R3HDM1: variants seen among roughly 807,000 people sequenced by gnomAD.
The protein encoded by R3HDM1 is R3H domain containing 1, also known as R3H domain-containing protein 1.
R3HDM1 carries 46 observed loss-of-function variants against 141.1 expected under a neutral mutation model. The observed-to-expected ratio is 0.33, with a 90% CI of 0.26 to 0.42. The LOEUF is 0.42. R3HDM1 is among the 10% of genes least tolerant of loss of function. R3HDM1 has a pLI of 1.00. For synonymous variants in R3HDM1, 435 were observed against 472.9 expected (o/e 0.92, Z 1.04); for missense variants, 1,184 against 1,368.3 (o/e 0.87, Z 2.12).
At chr2:135,617,045 C>A (rs1306477582) in intron 5 of R3HDM1, among the ~76,000 whole-genome samples, 1 of 152,020 alleles carries the variant, frequency 6.6e-6, no homozygotes, top group Non-Finnish European at 1.5e-5. Flanking sequence ...AAATGTTGGT[C>A]GGGTGCAGTG....
intron 1 of R3HDM1, among the ~76,000 whole-genome samples, chr2:135,555,755 G>C (rs557479745): frequency 3.2e-4 from 48 of 152,308 alleles, no homozygotes; most frequent in Admixed American, 5.9e-4. Context: ...GGCCAGGCGA[G>C]TGGCTCATAT....
intron 21 of R3HDM1, among the ~76,000 whole-genome samples, chr2:135,699,176 GA>G (rs1460583494): frequency 1.3e-5 from 2 of 151,864 alleles, no homozygotes; most frequent in Non-Finnish European, 2.9e-5. Context: ...GACTTTAGGA[GA>G]AAAAAAGCTA....
At chr2:135,704,030 G>T (rs1312027380) in intron 21 of R3HDM1, among the ~76,000 whole-genome samples, 1 of 152,126 alleles carries the variant, frequency 6.6e-6, no homozygotes, top group African/African-American at 2.4e-5. Context: ...GCCCAGGCTG[G>T]AGTGCAGTGG....
chr2:135,590,534 A>G (rs1225893305), intron 1 of R3HDM1: 2 of 984,770 alleles, frequency 2.0e-6, no homozygotes, highest in African/African-American at 3.5e-5. Context: ...TAAAGCCACA[A>G]AAAAATAAAA....
At chr2:135,663,845 T>C (rs776320070) in intron 19 of R3HDM1, among the ~76,000 whole-genome samples, 8 of 151,880 alleles carry the variant, frequency 5.3e-5, no homozygotes, top group Non-Finnish European at 8.8e-5. Flanking sequence ...TGGCCAACAT[T>C]GTGAAACCCT....
chr2:135,665,151 CTAA>C (rs1252041694), intron 19 of R3HDM1, among the ~76,000 whole-genome samples: 2 of 152,156 alleles, frequency 1.3e-5, no homozygotes, highest in Non-Finnish European at 2.9e-5. Context: ...ACCAGTTTCA[CTAA>C]TAAAGATTTA....
chr2:135,710,029 G>C (rs1158538395), intron 22 of R3HDM1, 30 bp from the exon 23 acceptor site: 13 of 1,600,830 alleles, frequency 8.1e-6, no homozygotes, highest in African/African-American at 1.3e-5. Flanking sequence ...AAAATATTCT[G>C]ACTATAGCAT....
At chr2:135,583,346 A>G (rs1466396114) in intron 1 of R3HDM1, among the ~76,000 whole-genome samples, 1 of 152,178 alleles carries the variant, frequency 6.6e-6, no homozygotes, top group Non-Finnish European at 1.5e-5. Context: ...TTTTGGAGAA[A>G]TACAGCATAG....
chr2:135,685,345 T>C (rs1333306690), intron 21 of R3HDM1, among the ~76,000 whole-genome samples: 1 of 152,158 alleles, frequency 6.6e-6, no homozygotes, highest in Non-Finnish European at 1.5e-5. Flanking sequence ...ACAGATATGG[T>C]ACGGCAACAT....
chr2:135,562,080 G>A (rs552260166), intron 1 of R3HDM1, among the ~76,000 whole-genome samples: 1 of 152,294 alleles, frequency 6.6e-6, no homozygotes, highest in African/African-American at 2.4e-5. Context: ...ATGGCTAAAG[G>A]AATTAGAGAT....
Position 135,611,748 on chromosome 2 carries a change from G to A in R3HDM1, c.172-4404G>A, listed in dbSNP as rs1411191650. 2.6e-5 allele frequency among the ~76,000 whole-genome samples: 4 copies of A among 151,888 alleles called. No homozygotes were observed. The East Asian group carries it at 5.8e-4, about 22-fold the overall frequency. Reference sequence around the variant, plus strand: ...TTTTTATAATTATTTCTAGGATTTGGTACTCTTTCTACTGAACTTGGGTCA... The same window carrying A: ...TTTTTATAATTATTTCTAGGATTTGATACTCTTTCTACTGAACTTGGGTCA... On this transcript the variant is annotated intron_variant, in intron 3 of 26. Coordinates refer to ENST00000683871, the MANE Select transcript of R3HDM1 (RefSeq NM_001378107.1).
intron 24 of R3HDM1, among the ~76,000 whole-genome samples, chr2:135,721,307 A>G (rs1421994889): frequency 1.3e-5 from 2 of 152,124 alleles, no homozygotes; most frequent in East Asian, 3.9e-4. Context: ...GTGAGACTCT[A>G]TCTCTACTAA....
intron 1 of R3HDM1, among the ~76,000 whole-genome samples, chr2:135,534,611 G>A (rs1346303051): frequency 6.6e-6 from 1 of 152,210 alleles, no homozygotes; most frequent in Non-Finnish European, 1.5e-5. Context: ...GGAATGTCCA[G>A]TCAGGGTTCA....
chr2:135,638,763 T>G lies in R3HDM1; in HGVS notation c.966T>G (p.Ser322Arg). 2 of 1,614,108 alleles carry G rather than the reference T, an allele frequency of 1.2e-6. No individual in the cohort carries two copies. Among genetic ancestry groups the G allele is most frequent in the Non-Finnish European group, 1.7e-6 (2 of 1,180,012 alleles). Residue 322 changes from serine (S) to arginine (R), a missense_variant, in exon 13 of 27, where the codon AGT becomes AGG. Physicochemically the swap from Ser to Arg is moderately radical, Grantham distance 110. Transcript: ENST00000683871. ...DKRLQDEDAS[S>R]TQQRRQIFRV... ...GACTCCAAGACGAGGATGCCAGTAG[T>G]ACCCAGCAGAGGCGCCAGATATTTA...
At position 135,621,634 on chromosome 2, in the gene R3HDM1, A is replaced by T. The variant is rs556878733; in HGVS notation, c.418+26A>T. 1,418 of 1,447,856 alleles carry T rather than the reference A, an allele frequency of 9.8e-4. 1 individual carries two copies. The highest frequency in any genetic ancestry group is 1.3e-3 in the Middle Eastern group (7 of 5,250). 89.7% of individuals were successfully genotyped at this position (1,447,856 alleles called of 1,614,324 possible). On this transcript the variant is annotated intron_variant, in intron 6 of 26. Coordinates refer to ENST00000683871, the MANE Select transcript of R3HDM1 (RefSeq NM_001378107.1). ...GTTTGCAGTTCTTTTGTTTTTTTTTAAAAAAAAATTTTGCTATCAGTAATT... is the reference window on the plus strand; with the variant it reads ...GTTTGCAGTTCTTTTGTTTTTTTTTTAAAAAAAATTTTGCTATCAGTAATT...
At chr2:135,603,813 C>G (rs907180760) in intron 2 of R3HDM1, among the ~76,000 whole-genome samples, 4 of 152,154 alleles carry the variant, frequency 2.6e-5, no homozygotes, top group Admixed American at 6.5e-5. Context: ...TGTCACGTTG[C>G]CCAGGCTTGT....
chr2:135,631,245 C>A (rs557946978), intron 7 of R3HDM1, among the ~76,000 whole-genome samples: 17 of 152,180 alleles, frequency 1.1e-4, no homozygotes, highest in African/African-American at 3.4e-4. Flanking sequence ...AAGTCCTGAG[C>A]CTAACTAAAG....
intron 19 of R3HDM1, among the ~76,000 whole-genome samples, chr2:135,663,155 A>T: frequency 7.7e-6 from 1 of 129,312 alleles, no homozygotes; most frequent in South Asian, 2.2e-4. Flanking sequence ...AAAAAAAAAA[A>T]TATGACACTT....
intron 19 of R3HDM1, among the ~76,000 whole-genome samples, chr2:135,669,864 C>T (rs1165774195): frequency 3.3e-5 from 5 of 152,102 alleles, no homozygotes; most frequent in East Asian, 1.9e-4. Context: ...TGTGACTGGG[C>T]GCAGTGGCTC....
Sources: gnomAD v4.1 joint callset for allele counts (sites outside exome capture counted in the v4.1 genomes callset) on GRCh38, gnomAD v4.1.1 for gene constraint, MANE v1.5 for transcripts, NCBI Gene and HGNC (gene_info 2026-07-23, HGNC 2026-07-21) for gene names.